The following CCSER1 variants were observed in gnomAD, a reference collection of about 807,000 sequenced individuals.
CCSER1 encodes coiled-coil serine rich protein 1, also known as serine-rich coiled-coil domain-containing protein 1.
In CCSER1, 41 loss-of-function variants were observed where a neutral mutation model predicts 82.0. That is an observed-to-expected ratio of 0.50 (90% CI 0.39 to 0.65). The LOEUF (loss-of-function observed/expected upper bound fraction) is 0.65, where lower values mean the gene tolerates loss of function less well. Ranked by LOEUF, CCSER1 falls within the 30% of genes least tolerant of loss-of-function variation. The probability of loss-of-function intolerance (pLI) is 0.00; values close to 1 mark genes in which losing one functional copy is unlikely to be tolerated. For missense variants in CCSER1, 1,119 were observed against 1,064.2 expected (o/e 1.05, Z -0.72); for synonymous variants, 414 against 383.9 (o/e 1.08, Z -0.92).
chr4:91,147,379 G>A (rs1729643735), intron 10 of CCSER1, among the ~76,000 whole-genome samples: 1 of 152,186 alleles, frequency 6.6e-6, no homozygotes, highest in African/African-American at 2.4e-5. Context: ...CTTGCCAGAT[G>A]GCTGTGCTCT....
chr4:90,202,477 A>C (rs1313273556), intron 1 of CCSER1, among the ~76,000 whole-genome samples: 1 of 152,188 alleles, frequency 6.6e-6, no homozygotes, highest in Non-Finnish European at 1.5e-5. Context: ...TGCTGGAATT[A>C]TAGGCATGAG....
intron 6 of CCSER1, among the ~76,000 whole-genome samples, chr4:90,701,528 A>G (rs1738123990): frequency 1.3e-5 from 2 of 152,134 alleles, no homozygotes; most frequent in African/African-American, 4.8e-5. Context: ...GAGGAAAGTC[A>G]TTTGTAGCTT....
intron 9 of CCSER1, among the ~76,000 whole-genome samples, chr4:91,005,257 G>T (rs761657557): frequency 6.6e-6 from 1 of 152,152 alleles, no homozygotes; most frequent in East Asian, 1.9e-4. Context: ...CCTTCTGTCA[G>T]ATGAGACAAT....
intron 9 of CCSER1, among the ~76,000 whole-genome samples, chr4:90,935,495 CCAGTCT>C (rs1169281319): frequency 6.6e-6 from 1 of 152,102 alleles, no homozygotes; most frequent in Non-Finnish European, 1.5e-5. Flanking sequence ...AATAAACTAC[CCAGTCT>C]CAGGTGTTAG....
intron 1 of CCSER1, among the ~76,000 whole-genome samples, chr4:90,166,538 G>T (rs1472452046): frequency 6.6e-6 from 1 of 151,752 alleles, no homozygotes; most frequent in Non-Finnish European, 1.5e-5. Flanking sequence ...ATTAATTAAG[G>T]GGAGAATAAT....
chr4:90,525,603 T>G (rs2153627486), intron 5 of CCSER1, among the ~76,000 whole-genome samples: 1 of 152,250 alleles, frequency 6.6e-6, no homozygotes, highest in African/African-American at 2.4e-5. Context: ...ATTTTGAATC[T>G]TCATTTCTAA....
intron 1 of CCSER1, among the ~76,000 whole-genome samples, chr4:90,204,273 G>A (rs547285333): frequency 7.6e-4 from 116 of 151,690 alleles, no homozygotes; most frequent in Middle Eastern, 6.8e-3. Flanking sequence ...GCCCATGCCT[G>A]TGTCCTGAAT....
At chr4:90,908,378 A>G (rs1485261931) in intron 8 of CCSER1, among the ~76,000 whole-genome samples, 1 of 152,098 alleles carries the variant, frequency 6.6e-6, no homozygotes, top group African/African-American at 2.4e-5. Context: ...TTTGCAAGTG[A>G]AAGAGTTGTG....
At chr4:90,730,491 T>G (rs1029572446) in intron 7 of CCSER1, among the ~76,000 whole-genome samples, 16 of 152,224 alleles carry the variant, frequency 1.1e-4, no homozygotes, top group South Asian at 2.1e-4. Flanking sequence ...GGCATTGGTA[T>G]GTCGATGTCA....
At chr4:90,309,684 C>T (rs1160525471) in intron 2 of CCSER1, 76 bp downstream of exon 2, 1 of 1,144,750 alleles carries the variant, frequency 8.7e-7, no homozygotes, top group Non-Finnish European at 1.2e-6. Context: ...CTTATTCCAT[C>T]TCATGAATGG....
intron 10 of CCSER1, among the ~76,000 whole-genome samples, chr4:91,540,057 T>G (rs1761506486): frequency 6.6e-6 from 1 of 152,128 alleles, no homozygotes; most frequent in Non-Finnish European, 1.5e-5. Flanking sequence ...GGTGTTTTGT[T>G]TCACATTTTT....
intron 7 of CCSER1, among the ~76,000 whole-genome samples, chr4:90,734,407 A>G (rs1452527363): frequency 6.6e-6 from 1 of 152,170 alleles, no homozygotes; most frequent in East Asian, 1.9e-4. Context: ...TTCTTTGGAT[A>G]GTATGGACAT....
chr4:90,190,414 G>T (rs1019003828), intron 1 of CCSER1, among the ~76,000 whole-genome samples: 5 of 152,018 alleles, frequency 3.3e-5, no homozygotes, highest in African/African-American at 9.7e-5. Context: ...ACTGGTCAAG[G>T]TCAGAATAGA....
chr4:90,360,688 A>C (rs1286045987), intron 3 of CCSER1, among the ~76,000 whole-genome samples: 1 of 151,498 alleles, frequency 6.6e-6, no homozygotes, highest in Non-Finnish European at 1.5e-5. Context: ...GAGGTTTAAG[A>C]GTCCATTCTG....
chr4:90,714,861 C>T (rs562009379), intron 6 of CCSER1, among the ~76,000 whole-genome samples: 1 of 152,102 alleles, frequency 6.6e-6, no homozygotes, highest in South Asian at 2.1e-4. Context: ...TTCTCAATTA[C>T]ACTGCAGTGT....
chr4:91,103,436 A>T lies in CCSER1; in HGVS notation c.2217+17442A>T, dbSNP rs570959056. Among the ~76,000 whole-genome samples, 3 of 152,200 alleles carry T rather than the reference A, an allele frequency of 2.0e-5. No individual in the cohort carries two copies. In the East Asian group the frequency reaches 5.8e-4, roughly 29 times the overall value. ...CTAATAATGAAAAAAATGCATTTCT[A>T]ATTTTTTAGCTCCTAAGAAACATTG... On this transcript the variant is annotated intron_variant, in intron 10 of 10. Transcript: ENST00000509176.
intron 1 of CCSER1, among the ~76,000 whole-genome samples, chr4:90,304,756 A>G (rs1399767533): frequency 1.3e-5 from 2 of 152,102 alleles, no homozygotes; most frequent in South Asian, 2.1e-4. Flanking sequence ...TATGTAACTA[A>G]CCTGCACATT....
intron 5 of CCSER1, among the ~76,000 whole-genome samples, chr4:90,535,189 T>C (rs149738814): frequency 1.7e-3 from 259 of 152,304 alleles, no homozygotes; most frequent in East Asian, 5.0e-3. Flanking sequence ...CCTATTAATA[T>C]TTGAATATTT....
At chr4:91,515,125 A>G (rs186485429) in intron 10 of CCSER1, among the ~76,000 whole-genome samples, 189 of 152,216 alleles carry the variant, frequency 1.2e-3, no homozygotes, top group Non-Finnish European at 1.9e-3. Flanking sequence ...TTTTCACCCT[A>G]TTATTTTAAA....
Sources: gnomAD v4.1 joint callset for allele counts (sites outside exome capture counted in the v4.1 genomes callset) on GRCh38, gnomAD v4.1.1 for gene constraint, MANE v1.5 for transcripts, NCBI Gene and HGNC (gene_info 2026-07-23, HGNC 2026-07-21) for gene names.